The following SLC4A1 variants were observed in gnomAD, a reference collection of about 807,000 sequenced individuals.
SLC4A1 encodes band 3 anion transport protein.
In SLC4A1, 29 loss-of-function variants were observed where a neutral mutation model predicts 93.1. The ratio of observed to expected loss-of-function variants is 0.31; its 90% CI spans 0.23 to 0.42. SLC4A1 has a LOEUF of 0.42. Ranked by LOEUF, SLC4A1 falls within the 20% of genes least tolerant of loss-of-function variation. SLC4A1 has a pLI of 1.00. For synonymous variants in SLC4A1, 469 were observed against 497.2 expected (o/e 0.94, Z 0.76); for missense variants, 965 against 1,190.1 (o/e 0.81, Z 2.78).
chr17:44,254,422 C>G, intron 16 of SLC4A1, 74 bp downstream of exon 16: 1 of 1,461,148 alleles, frequency 6.8e-7, no homozygotes, highest in Non-Finnish European at 9.5e-7. Context: ...GGGTCTCTTG[C>G]CTGCCTGGGA....
In SLC4A1 at chr17:44,262,909, C is replaced by T; in HGVS notation, c.-43G>A. On this transcript the variant is annotated 5_prime_UTR_variant, in exon 2 of 20. Coordinates refer to ENST00000262418, the MANE Select transcript of SLC4A1 (RefSeq NM_000342.4). ...CCAGTTGTCTACGGTGATCTGAGCCCCCAGCATAACCCGCACCGCGGGTCC... is the reference window on the plus strand; with the variant it reads ...CCAGTTGTCTACGGTGATCTGAGCCTCCAGCATAACCCGCACCGCGGGTCC... 1 of 1,613,708 alleles carries T rather than the reference C, an allele frequency of 6.2e-7. No individual in the cohort carries two copies. Among genetic ancestry groups the T allele is most frequent in the Non-Finnish European group, 8.5e-7 (1 of 1,180,028 alleles).
Position 44,250,068 on chromosome 17 carries a change from G to A in SLC4A1, c.*390C>T. 2 of 298,538 alleles carry A rather than the reference G, an allele frequency of 6.7e-6. No homozygotes were observed. Among genetic ancestry groups the A allele is most frequent in the African/African-American group, 2.1e-5 (1 of 46,784 alleles). 18.5% of individuals were successfully genotyped at this position (298,538 alleles called of 1,614,324 possible). A position where few individuals can be genotyped will look rare whatever the true frequency, so the allele number is the denominator to read the frequency against. ...AGAAGAGGAAATATAGGCTGGAAAG[G>A]TCAAGGGACTTGCCCAAGGTCACAC... is the stretch of plus-strand genomic sequence containing the variant. On this transcript the variant is annotated 3_prime_UTR_variant, in exon 20 of 20. Transcript: ENST00000262418.
At position 44,259,502 on chromosome 17, in the gene SLC4A1, A is replaced by G; in HGVS notation, c.689T>C (p.Leu230Pro). ...IPPDSEATLV[L>P]VGRADFLEQP... ...GTAGAGATGCCTGTTCTTACCCACT[A>G]GCACCAACGTGGCCTCTGAATCCGG... is the stretch of plus-strand genomic sequence containing the variant. Residue 230 changes from leucine to proline, a missense_variant, in exon 8 of 20, where the codon CTA becomes CCA. Transcript: ENST00000262418. The G allele has an allele frequency of 2.5e-6, 4 of 1,613,536 alleles. No homozygotes were observed. Among genetic ancestry groups the G allele is most frequent in the Non-Finnish European group, 3.4e-6 (4 of 1,179,434 alleles).
At chr17:44,254,011 G>A (rs368170246) in intron 16 of SLC4A1, among the ~76,000 whole-genome samples, 26 of 117,250 alleles carry the variant, frequency 2.2e-4, no homozygotes, top group African/African-American at 8.0e-4. Flanking sequence ...TTTCACTCTC[G>A]TTGCCCAAGT....
rs137892161 is a variant in SLC4A1 at position 44,267,221 on chromosome 17, C to T, written c.-69+833G>A. ...GGTTTAGAGTTAGTTGTTAAGATCA[C>T]GGACTCTGCAGTCGGACTGCCTGGA... On this transcript the variant is annotated intron_variant, in intron 1 of 19. Transcript: ENST00000262418. Among the ~76,000 whole-genome samples the T allele has an allele frequency of 1.7e-3, 252 of 152,312 alleles. 2 individuals carry two copies. Among genetic ancestry groups the T allele is most frequent in the African/African-American group, 5.7e-3 (239 of 41,568 alleles).
Position 44,248,848 on chromosome 17 carries a change from C to CATT in SLC4A1, c.*1609_*1610insAAT, listed in dbSNP as rs1567826431. 6.0e-5 allele frequency: 7 copies of CATT among 115,732 alleles called. No homozygotes were observed. Among genetic ancestry groups the CATT allele is most frequent in the Admixed American group, 1.0e-4 (1 of 9,772 alleles). 7.2% of individuals were successfully genotyped at this position (115,732 alleles called of 1,614,324 possible). A position where few individuals can be genotyped will look rare whatever the true frequency, so the allele number is the denominator to read the frequency against. ...GGCCCCCAAGGCTGATGTTTCCTTC[C>CATT]GTTTTTTTTTTTTTTTTTTTTTTTT... is the stretch of plus-strand genomic sequence containing the variant. On this transcript the variant is annotated 3_prime_UTR_variant, in exon 20 of 20. Coordinates refer to ENST00000262418, the MANE Select transcript of SLC4A1 (RefSeq NM_000342.4).
rs374741150 is a variant in SLC4A1 at position 44,257,998 on chromosome 17, C to T, written c.1270G>A (p.Gly424Ser). 3 of 1,613,956 alleles carry T rather than the reference C, an allele frequency of 1.9e-6. No homozygotes were observed. The highest frequency in any genetic ancestry group is 2.5e-6 in the Non-Finnish European group (3 of 1,179,984). ...FAALSPAITF[G>S]GLLGEKTRNQ... Reference sequence around the variant, plus strand: ...TATTGGCACTGACCCAGGAGGCCGCCGAAGGTGATGGCGGGTGACAGTGCA... The same window carrying T: ...TATTGGCACTGACCCAGGAGGCCGCTGAAGGTGATGGCGGGTGACAGTGCA... The change falls in exon 11 of 20, where the codon GGC (glycine) becomes AGC (serine). Residue 424 changes from glycine to serine, a missense_variant. This residue lies in a region of SLC4A1 where 770 missense variants were observed against 1,006.6 expected (regional missense o/e 0.76). Transcript: ENST00000262418.
At chr17:44,254,689 T>C in intron 15 of SLC4A1, 27 bp from the exon 16 acceptor site, 1 of 1,611,412 alleles carries the variant, frequency 6.2e-7, no homozygotes, top group East Asian at 2.2e-5. Context: ...CAGGTAAGAA[T>C]GCCAAGGGCA....
At chr17:44,253,423 C>T in intron 16 of SLC4A1, 52 bp from the exon 17 acceptor site, 7 of 1,574,360 alleles carry the variant, frequency 4.4e-6, no homozygotes, top group Non-Finnish European at 5.2e-6. Context: ...GCCTCCTCCA[C>T]CCCCTCCTTC....
At position 44,259,893 on chromosome 17, in the gene SLC4A1, A is replaced by G; in HGVS notation, c.525T>C (p.Pro175=). ...GATCCCCAGAGCGTGTCAGGACTGC[A>G]GGCTTCACACCCCCCAGGGCCTCCA... ...GELEALGGVK[P]AVLTRSGDPS... The change falls in exon 7 of 20, where the codon CCT becomes CCC. Residue 175 remains proline, a synonymous_variant. Coordinates refer to ENST00000262418, the MANE Select transcript of SLC4A1 (RefSeq NM_000342.4). 1 of 1,614,024 alleles carries G rather than the reference A, an allele frequency of 6.2e-7. No individual in the cohort carries two copies. The highest frequency in any genetic ancestry group is 8.5e-7 in the Non-Finnish European group (1 of 1,180,014).
Position 44,262,741 on chromosome 17 carries a change from C to A in SLC4A1, c.16-15G>T, listed in dbSNP as rs199656347. On this transcript the variant is annotated splice_polypyrimidine_tract_variant and intron_variant, in intron 2 of 19. Coordinates refer to ENST00000262418, the MANE Select transcript of SLC4A1 (RefSeq NM_000342.4). Reference sequence around the variant, plus strand: ...TCATAATCATCCTGTGGGAAGTGGCCGCTGAGGCTGGGCTGTGAGGGGCTC... The same window carrying A: ...TCATAATCATCCTGTGGGAAGTGGCAGCTGAGGCTGGGCTGTGAGGGGCTC... The A allele has an allele frequency of 1.2e-6, 2 of 1,613,190 alleles. No homozygotes were observed. The highest frequency in any genetic ancestry group is 3.3e-5 in the Admixed American group (2 of 60,016).
At chr17:44,267,647 G>A (rs2047505513) in intron 1 of SLC4A1, among the ~76,000 whole-genome samples, 1 of 152,216 alleles carries the variant, frequency 6.6e-6, no homozygotes, top group South Asian at 2.1e-4. Flanking sequence ...TCCCAAAGGG[G>A]ATACTGTGTC....
intron 1 of SLC4A1, among the ~76,000 whole-genome samples, chr17:44,264,566 T>C (rs996229014): frequency 1.3e-5 from 2 of 152,270 alleles, no homozygotes; most frequent in Non-Finnish European, 2.9e-5. Context: ...GCGAAGACCC[T>C]GTATGTCCCA....
rs2074106 is a variant in SLC4A1, at chr17:44,261,935, G to A, written c.107-299C>T. The A allele has an allele frequency of 1.1e-5, 12 of 1,141,488 alleles. No homozygotes were observed. The African/African-American group carries it at 1.6e-4, about 15-fold the overall frequency. 70.7% of individuals were successfully genotyped at this position (1,141,488 alleles called of 1,614,324 possible). ...AGTGAAGGGACCTCTCCAAGGTGAC[G>A]GCAGAGCCCTGAGTGGCAATTTTCA... On this transcript the variant is annotated intron_variant, in intron 3 of 19. Coordinates refer to ENST00000262418, the MANE Select transcript of SLC4A1 (RefSeq NM_000342.4).
intron 3 of SLC4A1, among the ~76,000 whole-genome samples, chr17:44,261,850 G>C (rs1385835178): frequency 6.6e-6 from 1 of 152,132 alleles, no homozygotes; most frequent in African/African-American, 2.4e-5. Flanking sequence ...CTCCCTATCT[G>C]AGCCTTGTCG....
At chr17:44,266,911 A>G (rs1220806608) in intron 1 of SLC4A1, among the ~76,000 whole-genome samples, 1 of 152,206 alleles carries the variant, frequency 6.6e-6, no homozygotes, top group East Asian at 1.9e-4. Context: ...TCCTAGTGGT[A>G]TGGCACCACC....
chr17:44,263,105 G>A (rs908221545), intron 1 of SLC4A1, among the ~76,000 whole-genome samples, 171 bp from the exon 2 acceptor site: 7 of 152,118 alleles, frequency 4.6e-5, no homozygotes, highest in African/African-American at 1.7e-4. Context: ...CAGGTGTGAG[G>A]GTAGGTGAGC....
intron 15 of SLC4A1, 67 bp from the exon 16 acceptor site, chr17:44,254,729 A>G: frequency 6.6e-7 from 1 of 1,516,932 alleles, no homozygotes; most frequent in Non-Finnish European, 9.1e-7. Flanking sequence ...GAGCAGGAGG[A>G]GCCAGGGTCC....
At position 44,257,736 on chromosome 17, in the gene SLC4A1, C is replaced by A. The variant is rs773546206; in HGVS notation, c.1354G>T (p.Ala452Ser). The A allele has an allele frequency of 4.3e-6, 7 of 1,614,030 alleles. No individual in the cohort carries two copies. Among genetic ancestry groups the A allele is most frequent in the Non-Finnish European group, 5.9e-6 (7 of 1,180,018 alleles). The part of the protein sequence containing the change: ...ISTAVQGILF[A>S]LLGAQPLLVV... ...AGCAGGGGCTGAGCCCCCAGCAGGGCGAAGAGAATGCCCTGCACTGCAGTG... is the reference window on the plus strand; with the variant it reads ...AGCAGGGGCTGAGCCCCCAGCAGGGAGAAGAGAATGCCCTGCACTGCAGTG... The change falls in exon 12 of 20, where the codon GCC (alanine) becomes TCC (serine). Residue 452 changes from alanine to serine, a missense_variant. Physicochemically the swap from Ala to Ser is moderately conservative, Grantham distance 99. This residue lies in a region of SLC4A1 where 770 missense variants were observed against 1,006.6 expected (regional missense o/e 0.76). Transcript: ENST00000262418.
Sources: allele counts gnomAD v4.1 joint callset (sites outside exome capture counted in the v4.1 genomes callset), GRCh38; gene constraint gnomAD v4.1.1; regional missense constraint gnomAD v4.1.1; transcripts MANE v1.5; gene names NCBI Gene and HGNC (gene_info 2026-07-23, HGNC 2026-07-21).